The following USP20 variants were observed in gnomAD, a reference collection of about 807,000 sequenced individuals.
USP20 encodes the protein ubiquitin carboxyl-terminal hydrolase 20.
A neutral mutation model predicts 124.2 loss-of-function variants in USP20; 80 were observed. The observed-to-expected ratio is 0.64, with a 90% CI of 0.54 to 0.78. The LOEUF (loss-of-function observed/expected upper bound fraction) is 0.78, where lower values mean the gene tolerates loss of function less well. USP20 is among the 30% of genes least tolerant of loss of function. The pLI is 0.00. For synonymous variants in USP20, 481 were observed against 512.3 expected, an observed-to-expected ratio of 0.94 and a Z score of 0.83; for missense variants, 1,043 against 1,244.4, an observed-to-expected ratio of 0.84 and a Z score of 2.44.
rs1554742656 is a variant in USP20 at position 129,846,247 on chromosome 9, A to ATATAT, written c.-128-3565_-128-3564insATATT. Among the ~76,000 whole-genome samples the ATATAT allele has an allele frequency of 2.0e-3, 66 of 32,698 alleles. 4 individuals are homozygous for ATATAT. The highest frequency in any genetic ancestry group is 6.4e-3 in the African/African-American group (55 of 8,554). The allele number at this position is 32,698 out of a possible 152,430, so 21.5% of individuals were successfully genotyped here. A position where few individuals can be genotyped will look rare whatever the true frequency, so the allele number is the denominator to read the frequency against. ...CCCAGCCATATATATATATATATAT[A>ATATAT]TTTTTTTTTTTTTTTTTTTTTTTTT... On this transcript the variant is annotated intron_variant, in intron 1 of 25. Transcript: ENST00000372429.
intron 22 of USP20, among the ~76,000 whole-genome samples, chr9:129,876,599 A>G (rs557537156): frequency 1.3e-5 from 2 of 150,776 alleles, no homozygotes; most frequent in African/African-American, 2.4e-5. Flanking sequence ...AGATTGTGCC[A>G]CTGCGCTCCA....
Position 129,880,435 on chromosome 9 carries a change from G to A in USP20, c.*17-32G>A, listed in dbSNP as rs1051214545. On this transcript the variant is annotated intron_variant, in intron 25 of 25. Transcript: ENST00000372429. ...TGTGGGAGGGCCCTGGACATGGCCC[G>A]GCCCCACTGCTGAGTGCCCGTGTCC... 25 of 967,222 alleles carry A rather than the reference G, an allele frequency of 2.6e-5. No homozygotes were observed. The East Asian group carries it at 3.7e-4, about 14-fold the overall frequency. The allele number at this position is 967,222 out of a possible 1,614,324, so 59.9% of individuals were successfully genotyped here.
Position 129,874,722 on chromosome 9 carries a change from C to T in USP20, c.1887C>T (p.Leu629=). The part of the protein sequence containing the change: ...ECTSQITTYD[L]LSVICHHGTA... The stretch of plus-strand genomic sequence containing the variant: ...CATCCCAGATCACCACCTACGACCT[C>T]CTCTCGGTCATCTGCCACCACGGCA... Residue 629 remains leucine (L), a synonymous_variant, in exon 18 of 26, where the codon CTC becomes CTT. Coordinates refer to ENST00000372429, the MANE Select transcript of USP20 (RefSeq NM_001110303.4). The T allele has an allele frequency of 6.2e-7, 1 of 1,613,984 alleles. No homozygotes were observed.
At chr9:129,873,627 G>A (rs1287998521) in intron 16 of USP20, 72 bp from the exon 17 acceptor site, 18 of 1,613,212 alleles carry the variant, frequency 1.1e-5, no homozygotes, top group African/African-American at 9.3e-5. Context: ...GAAGGGAGCC[G>A]GGTGGAGGGC....
At chr9:129,858,146 G>A (rs1202304126) in intron 5 of USP20, 34 bp downstream of exon 5, 4 of 1,608,470 alleles carry the variant, frequency 2.5e-6, no homozygotes, top group Non-Finnish European at 3.4e-6. Flanking sequence ...GGGCCCTGCA[G>A]TTAGATGGCC....
Position 129,874,971 on chromosome 9 carries a change from G to A in USP20, c.2048+16G>A, listed in dbSNP as rs1181106643. ...TCTTCTACAGGTGGGCGCTGGGCCA[G>A]GCCTGGTGGAGGAACCTCACCATCC... is the stretch of plus-strand genomic sequence containing the variant. On this transcript the variant is annotated intron_variant, in intron 19 of 25. Coordinates refer to ENST00000372429, the MANE Select transcript of USP20 (RefSeq NM_001110303.4). 6 of 1,611,696 alleles carry A rather than the reference G, an allele frequency of 3.7e-6. No homozygotes were observed. The African/African-American group carries it at 4.0e-5, about 11-fold the overall frequency.
intron 2 of USP20, among the ~76,000 whole-genome samples, chr9:129,850,944 G>A (rs1229328653): frequency 2.6e-5 from 4 of 151,770 alleles, no homozygotes; most frequent in African/African-American, 4.9e-5. Context: ...ATGAGCCACC[G>A]CACCCAGTCT....
intron 1 of USP20, among the ~76,000 whole-genome samples, chr9:129,847,299 CT>C (rs35098457): frequency 0.012 from 1,515 of 130,858 alleles, 12 homozygotes; most frequent in East Asian, 0.023. Context: ...ACAGCCAACA[CT>C]TTTTTTTTTT....
intron 15 of USP20, 77 bp downstream of exon 15, chr9:129,870,624 C>G: frequency 1.3e-6 from 2 of 1,500,750 alleles, no homozygotes; most frequent in Non-Finnish European, 1.8e-6. Flanking sequence ...AGCAGGCCAG[C>G]ATGCAGCCCA....
intron 3 of USP20, among the ~76,000 whole-genome samples, chr9:129,855,222 G>C (rs1171520163): frequency 6.6e-6 from 1 of 152,162 alleles, no homozygotes; most frequent in Non-Finnish European, 1.5e-5. Flanking sequence ...ATGAGGTCAG[G>C]AGATCGAGGC....
chr9:129,863,383 A>C, intron 9 of USP20, 84 bp downstream of exon 9: 1 of 1,120,918 alleles, frequency 8.9e-7, no homozygotes. Context: ...CTTCCTGTGG[A>C]TTCAGCCCCC....
At position 129,852,585 on chromosome 9, in the gene USP20, C is replaced by T. The variant is rs1231546206; in HGVS notation, c.30C>T (p.His10=). The change falls in exon 3 of 26, where the codon CAC becomes CAT. Residue 10 remains histidine (H), a synonymous_variant. Coordinates refer to ENST00000372429, the MANE Select transcript of USP20 (RefSeq NM_001110303.4). MGDSRDLCP[H]LDSIGEVTKE... is the part of the protein sequence containing the mutation. ...GGGACTCCAGGGACCTTTGCCCTCA[C>T]CTTGACTCCATAGGAGAGGTGACCA... The T allele has an allele frequency of 1.2e-6, 2 of 1,600,208 alleles. No homozygotes were observed. Among genetic ancestry groups the T allele is most frequent in the South Asian group, 1.1e-5 (1 of 88,474 alleles).
At position 129,858,501 on chromosome 9, in the gene USP20, C is replaced by T. The variant is rs1221800255; in HGVS notation, c.233C>T (p.Thr78Met). 3.1e-6 allele frequency: 5 copies of T among 1,614,082 alleles called. No individual in the cohort carries two copies. The South Asian group carries it at 3.3e-5, about 11-fold the overall frequency. ...CACAACTTGACCGTGAACCTGACCA[C>T]GTTCCGACTGTGGTGTTACGCCTGT... Reference protein sequence around the residue: ...KKHNLTVNLTTFRLWCYACEK... With the variant: ...KKHNLTVNLTMFRLWCYACEK... The change falls in exon 6 of 26, where the codon ACG (threonine) becomes ATG (methionine). Residue 78 changes from threonine (T) to methionine (M), a missense_variant. By Grantham distance (81) the Thr-to-Met change is moderately conservative. Transcript: ENST00000372429.
intron 9 of USP20, 67 bp downstream of exon 9, chr9:129,863,366 T>C (rs1351163520): frequency 3.9e-6 from 5 of 1,267,454 alleles, no homozygotes; most frequent in Admixed American, 4.3e-5. Flanking sequence ...GCACCCATGA[T>C]TGAGTACTTC....
At chr9:129,873,345 A>G (rs1470947570) in intron 15 of USP20, 137 bp from the exon 16 acceptor site, 1 of 1,093,120 alleles carries the variant, frequency 9.1e-7, no homozygotes, top group Non-Finnish European at 1.4e-6. Context: ...CGGCCTCCCA[A>G]AGTGCTAGGA....
At chr9:129,880,391 A>T (rs2034592517) in intron 25 of USP20, 76 bp from the exon 26 acceptor site, 1 of 1,355,222 alleles carries the variant, frequency 7.4e-7, no homozygotes, top group Admixed American at 2.3e-5. Flanking sequence ...CAGGTCCCTG[A>T]AAGCACCTTC....
chr9:129,870,664 C>G, intron 15 of USP20, 117 bp downstream of exon 15: 1 of 1,207,932 alleles, frequency 8.3e-7, no homozygotes. Flanking sequence ...CCAGGCTAGA[C>G]TTGGCTTCCA....
intron 2 of USP20, among the ~76,000 whole-genome samples, chr9:129,851,560 C>G (rs539587537): frequency 6.6e-6 from 1 of 151,544 alleles, no homozygotes; most frequent in African/African-American, 2.4e-5. Context: ...ACGTGTAGAT[C>G]CATGTAACCA....
intron 8 of USP20, among the ~76,000 whole-genome samples, chr9:129,862,074 C>A (rs2033575908): frequency 6.6e-6 from 1 of 152,080 alleles, no homozygotes; most frequent in Admixed American, 6.6e-5. Context: ...CTCCATGAGG[C>A]CAAGGATGTC....
Sources: allele counts gnomAD v4.1 joint callset (sites outside exome capture counted in the v4.1 genomes callset), GRCh38; gene constraint gnomAD v4.1.1; transcripts MANE v1.5; gene names NCBI Gene and HGNC (gene_info 2026-07-23, HGNC 2026-07-21).